The following MBD5 variants were observed in gnomAD, a reference collection of about 807,000 sequenced individuals.
The protein encoded by MBD5 is methyl-CpG binding domain protein 5.
In MBD5, 13 loss-of-function variants were observed where a neutral mutation model predicts 117.3. The ratio of observed to expected loss-of-function variants is 0.11; its 90% CI spans 0.07 to 0.18. The LOEUF is 0.18. Among genes scored for constraint, MBD5 ranks in the 10% least tolerant of loss-of-function variants. The pLI is 1.00. For missense variants in MBD5, 1,879 were observed against 2,093.8 expected, an observed-to-expected ratio of 0.90 and a Z score of 2.00; for synonymous variants, 727 against 766.4, an observed-to-expected ratio of 0.95 and a Z score of 0.85.
intron 2 of MBD5, among the ~76,000 whole-genome samples, chr2:148,195,441 T>A (rs974655910): frequency 2.0e-5 from 3 of 152,186 alleles, no homozygotes; most frequent in Non-Finnish European, 4.4e-5. Flanking sequence ...AAATAGACAA[T>A]TCCACAATTA....
At chr2:148,418,273 C>T (rs1296905445) in intron 4 of MBD5, among the ~76,000 whole-genome samples, 1 of 152,120 alleles carries the variant, frequency 6.6e-6, no homozygotes, top group African/African-American at 2.4e-5. Flanking sequence ...ATTTCTTTTG[C>T]TGTGCAGAAG....
chr2:148,412,272 T>TTTTTTTTGTGTGTG (rs946184910), intron 4 of MBD5, among the ~76,000 whole-genome samples: 14 of 144,582 alleles, frequency 9.7e-5, no homozygotes, highest in African/African-American at 3.7e-4. Flanking sequence ...AGTATACTTT[T>TTTTTTTTGTGTGTG]TGTGTGTGTG....
At chr2:148,291,045 C>T (rs1330510315) in intron 3 of MBD5, among the ~76,000 whole-genome samples, 7 of 152,132 alleles carry the variant, frequency 4.6e-5, no homozygotes, top group Non-Finnish European at 7.4e-5. Flanking sequence ...CATGTCTATT[C>T]CATTGATCTG....
At chr2:148,102,684 C>CACACAG (rs1186922146) in intron 1 of MBD5, among the ~76,000 whole-genome samples, 4 of 145,192 alleles carry the variant, frequency 2.8e-5, no homozygotes, top group African/African-American at 1.1e-4. Flanking sequence ...CACACACACA[C>CACACAG]AGAGAGAGAG....
chr2:148,372,742 C>G (rs1240562521), intron 4 of MBD5, among the ~76,000 whole-genome samples: 1 of 151,774 alleles, frequency 6.6e-6, no homozygotes, highest in Non-Finnish European at 1.5e-5. Context: ...AAAGAGAATG[C>G]GAGTGTAAGT....
chr2:148,328,896 A>G (rs1433469682), intron 3 of MBD5, among the ~76,000 whole-genome samples: 10 of 152,334 alleles, frequency 6.6e-5, no homozygotes, highest in African/African-American at 2.2e-4. Flanking sequence ...GGCATCTTTA[A>G]TTAAAGTTAT....
intron 2 of MBD5, among the ~76,000 whole-genome samples, chr2:148,207,119 G>A (rs1038135251): frequency 6.6e-6 from 1 of 152,228 alleles, no homozygotes; most frequent in Non-Finnish European, 1.5e-5. Flanking sequence ...TATGAAGGAT[G>A]TGCAGGAGGG....
intron 1 of MBD5, among the ~76,000 whole-genome samples, chr2:148,088,856 A>G (rs969262438): frequency 6.6e-6 from 1 of 152,164 alleles, no homozygotes; most frequent in South Asian, 2.1e-4. Flanking sequence ...TCAAATCTCC[A>G]TACTAACATT....
intron 1 of MBD5, among the ~76,000 whole-genome samples, chr2:148,063,209 T>C (rs1268055205): frequency 6.6e-6 from 1 of 152,188 alleles, no homozygotes; most frequent in Admixed American, 6.5e-5. Flanking sequence ...CCAATGCAGC[T>C]TCATCACAAT....
intron 2 of MBD5, among the ~76,000 whole-genome samples, chr2:148,179,111 T>A (rs1484907617): frequency 6.6e-6 from 1 of 152,062 alleles, no homozygotes; most frequent in Non-Finnish European, 1.5e-5. Context: ...TCCCAGCACT[T>A]TGGGAGGCCG....
chr2:148,401,445 A>G (rs551922085), intron 4 of MBD5, among the ~76,000 whole-genome samples: 25 of 152,216 alleles, frequency 1.6e-4, no homozygotes, highest in African/African-American at 4.8e-4. Flanking sequence ...CATCAATCCA[A>G]TCATTTCATC....
At chr2:148,488,651 G>A (rs1159086143) in intron 10 of MBD5, among the ~76,000 whole-genome samples, 6 of 118,844 alleles carry the variant, frequency 5.0e-5, no homozygotes, top group East Asian at 3.1e-4. Flanking sequence ...TAGATGGTGC[G>A]GGGGTGGGGG....
chr2:148,468,327 C>G lies in MBD5; in HGVS notation c.398-14C>G. ...AGACTGTTAACAGAATTCTTTTTTT[C>G]TCTTTCACATCAGATGCAACTCCAG... On this transcript the variant is annotated splice_polypyrimidine_tract_variant and intron_variant, in intron 7 of 13. Coordinates refer to ENST00000642680, the MANE Select transcript of MBD5 (RefSeq NM_001378120.1). 2 of 1,609,582 alleles carry G rather than the reference C, an allele frequency of 1.2e-6. No homozygotes were observed. The highest frequency in any genetic ancestry group is 1.7e-6 in the Non-Finnish European group (2 of 1,176,694).
chr2:148,082,175 C>T (rs769794152), intron 1 of MBD5, among the ~76,000 whole-genome samples: 8 of 152,158 alleles, frequency 5.3e-5, no homozygotes, highest in Non-Finnish European at 1.2e-4. Context: ...TTCACAAACC[C>T]CACACCTTTC....
At chr2:148,181,909 C>T (rs11901857) in intron 2 of MBD5, among the ~76,000 whole-genome samples, 1,874 of 152,138 alleles carry the variant, frequency 0.012, 45 homozygotes, top group African/African-American at 0.043. Flanking sequence ...TATCTTTGTC[C>T]TAACTATATT....
chr2:148,171,859 C>T (rs915943200), intron 1 of MBD5, among the ~76,000 whole-genome samples: 7 of 152,222 alleles, frequency 4.6e-5, no homozygotes, highest in African/African-American at 1.7e-4. Flanking sequence ...ATCCCATTTA[C>T]AATCGCTACA....
chr2:148,296,750 T>C (rs1047758747), intron 3 of MBD5: 1 of 152,548 alleles, frequency 6.6e-6, no homozygotes, highest in Non-Finnish European at 1.5e-5. Flanking sequence ...CCAGCCACCA[T>C]TGCCCAATTT....
At chr2:148,364,281 G>A (rs1703630474) in intron 4 of MBD5, among the ~76,000 whole-genome samples, 1 of 152,140 alleles carries the variant, frequency 6.6e-6, no homozygotes, top group African/African-American at 2.4e-5. Flanking sequence ...ATCCTTTACA[G>A]ACAAGCAAAT....
chr2:148,080,914 G>A (rs1695632776), intron 1 of MBD5, among the ~76,000 whole-genome samples: 1 of 152,106 alleles, frequency 6.6e-6, no homozygotes, highest in Non-Finnish European at 1.5e-5. Flanking sequence ...TAATATGGTT[G>A]TACTTTTATG....
Sources: gnomAD v4.1 joint callset for allele counts (sites outside exome capture counted in the v4.1 genomes callset) on GRCh38, gnomAD v4.1.1 for gene constraint, MANE v1.5 for transcripts, NCBI Gene and HGNC (gene_info 2026-07-23, HGNC 2026-07-21) for gene names.